Variants in TAS2R1 observed in about 807,000 individuals in gnomAD.
TAS2R1 encodes the protein taste receptor type 2 member 1.
For synonymous variants in TAS2R1, 141 were observed against 134.2 expected (o/e 1.05, Z -0.35); for missense variants, 370 against 353.4 (o/e 1.05, Z -0.38).
the TAS2R1 span, among the ~76,000 whole-genome samples, chr5:9,887,761 A>G: frequency 1.3e-5 from 2 of 152,248 alleles, no homozygotes; most frequent in African/African-American, 4.8e-5. Context: ...TCAATGAACA[A>G]GTGCAATCTG....
the TAS2R1 span, among the ~76,000 whole-genome samples, chr5:9,751,208 T>G: frequency 6.6e-6 from 1 of 151,832 alleles, no homozygotes; most frequent in Non-Finnish European, 1.5e-5. Flanking sequence ...TATATTTGCT[T>G]GTGTGGTTTT....
the TAS2R1 span, among the ~76,000 whole-genome samples, chr5:9,796,720 G>GAAAAAAAAAAAAAAAAAAAAAAAA: frequency 1.0e-4 from 8 of 77,316 alleles, no homozygotes; most frequent in East Asian, 5.4e-4. Flanking sequence ...GCTATTTTCT[G>GAAAAAAAAAAAAAAAAAAAAAAAA]GAAAAAAAAA....
the TAS2R1 span, among the ~76,000 whole-genome samples, chr5:9,877,004 A>G: frequency 6.6e-6 from 1 of 152,230 alleles, no homozygotes; most frequent in African/African-American, 2.4e-5. Context: ...AAGGAATATA[A>G]AGTTCTAGAA....
chr5:9,764,308 G>A, the TAS2R1 span, among the ~76,000 whole-genome samples: 1 of 152,154 alleles, frequency 6.6e-6, no homozygotes, highest in Admixed American at 6.5e-5. Flanking sequence ...CGACACATCT[G>A]TAACACTCAG....
chr5:9,655,709 T>C (rs571871972), intron 2 of TAS2R1, among the ~76,000 whole-genome samples: 45 of 152,162 alleles, frequency 3.0e-4, no homozygotes, highest in African/African-American at 1.1e-3. Context: ...AGGCAAAATA[T>C]AGGAATAAAC....
At chr5:9,631,094 C>A (rs918083494), upstream of TAS2R1, among the ~76,000 whole-genome samples, 1 of 152,070 alleles carries the variant, frequency 6.6e-6, no homozygotes, top group African/African-American at 2.4e-5. Flanking sequence ...CTGTAACAGC[C>A]AAAATGTTTC....
At chr5:9,807,194 A>G in the TAS2R1 span, among the ~76,000 whole-genome samples, 2 of 152,196 alleles carry the variant, frequency 1.3e-5, no homozygotes, top group East Asian at 1.9e-4. Flanking sequence ...AATAAAAACC[A>G]CAATGCAATA....
chr5:9,655,740 C>T (rs1052925904), intron 2 of TAS2R1, among the ~76,000 whole-genome samples: 1 of 151,976 alleles, frequency 6.6e-6, no homozygotes, highest in Non-Finnish European at 1.5e-5. Flanking sequence ...AAAAAACACA[C>T]ACTCAATAAG....
At chr5:9,640,519 A>AAAAAAC (rs1243481404) in intron 2 of TAS2R1, among the ~76,000 whole-genome samples, 4 of 150,824 alleles carry the variant, frequency 2.7e-5, no homozygotes, top group African/African-American at 9.8e-5. Context: ...AAAAAAAAAA[A>AAAAAAC]AAACAGTACC....
the TAS2R1 span, among the ~76,000 whole-genome samples, chr5:9,896,397 C>T: frequency 6.6e-6 from 1 of 152,154 alleles, no homozygotes; most frequent in African/African-American, 2.4e-5. Flanking sequence ...TTGGAGGCTA[C>T]ATTTTATACC....
At chr5:9,653,328 T>C (rs963625830) in intron 2 of TAS2R1, among the ~76,000 whole-genome samples, 1 of 152,230 alleles carries the variant, frequency 6.6e-6, no homozygotes, top group Non-Finnish European at 1.5e-5. Flanking sequence ...ACCAATGTTG[T>C]AGCATATGTC....
chr5:9,773,698 C>A, the TAS2R1 span, among the ~76,000 whole-genome samples: 1 of 152,118 alleles, frequency 6.6e-6, no homozygotes, highest in Non-Finnish European at 1.5e-5. Flanking sequence ...ATATATTATT[C>A]TAGGATATAA....
At chr5:9,709,059 C>G (rs1196787402) in intron 1 of TAS2R1, among the ~76,000 whole-genome samples, 1 of 151,830 alleles carries the variant, frequency 6.6e-6, no homozygotes, top group Admixed American at 6.6e-5. Context: ...AGCATTAGGA[C>G]AAATATCTAA....
intron 2 of TAS2R1, among the ~76,000 whole-genome samples, chr5:9,643,504 G>A (rs1740126635): frequency 6.6e-6 from 1 of 152,144 alleles, no homozygotes. Context: ...GTCAGTGAGT[G>A]AGAGGTGAGT....
chr5:9,705,969 T>G (rs1350896982), intron 1 of TAS2R1, among the ~76,000 whole-genome samples: 1 of 152,166 alleles, frequency 6.6e-6, no homozygotes, highest in Non-Finnish European at 1.5e-5. Context: ...GAGGTTCCTC[T>G]ACAAAGACCA....
At chr5:9,686,732 GA>G (rs1480879095) in intron 1 of TAS2R1, among the ~76,000 whole-genome samples, 1 of 152,128 alleles carries the variant, frequency 6.6e-6, no homozygotes, top group Non-Finnish European at 1.5e-5. Flanking sequence ...TCACATGACA[GA>G]AACTATATGG....
intron 2 of TAS2R1, among the ~76,000 whole-genome samples, chr5:9,651,342 T>G (rs1470094024): frequency 1.3e-5 from 2 of 152,190 alleles, no homozygotes; most frequent in East Asian, 1.9e-4. Flanking sequence ...TTAAATACTT[T>G]CTACTATGAA....
chr5:9,762,035 C>T, the TAS2R1 span, among the ~76,000 whole-genome samples: 1 of 152,318 alleles, frequency 6.6e-6, no homozygotes, highest in East Asian at 1.9e-4. Context: ...TTCCTTGTCA[C>T]TTCAGAGCCC....
chr5:9,815,243 C>G, the TAS2R1 span, among the ~76,000 whole-genome samples: 1 of 152,314 alleles, frequency 6.6e-6, no homozygotes, highest in East Asian at 1.9e-4. Context: ...AATTGCAGTA[C>G]AAGCCAGAGG....
Sources: gnomAD v4.1 joint callset for allele counts (sites outside exome capture counted in the v4.1 genomes callset) on GRCh38, gnomAD v4.1.1 for gene constraint, MANE v1.5 for transcripts, NCBI Gene and HGNC (gene_info 2026-07-23, HGNC 2026-07-21) for gene names.